The following IGF1R variants were observed in gnomAD, a reference collection of about 807,000 sequenced individuals.
IGF1R encodes the protein insulin like growth factor 1 receptor.
Under a neutral mutation model 144.6 loss-of-function variants are expected in IGF1R, and 44 were observed. The observed-to-expected ratio is 0.30, with a 90% CI of 0.24 to 0.39. IGF1R has a LOEUF of 0.39. IGF1R is among the 10% of genes least tolerant of loss of function. The pLI is 1.00. For synonymous variants in IGF1R, 795 were observed against 722.8 expected (o/e 1.10, Z -1.60); for missense variants, 1,355 against 1,833.7 (o/e 0.74, Z 4.77).
intron 18 of IGF1R, among the ~76,000 whole-genome samples, chr15:98,940,093 C>G (rs1395574614): frequency 2.0e-5 from 3 of 152,230 alleles, no homozygotes; most frequent in Non-Finnish European, 4.4e-5. Flanking sequence ...TTACTTCGGT[C>G]TTTTAATCTG....
intron 3 of IGF1R, among the ~76,000 whole-genome samples, chr15:98,893,012 CA>C (rs979449704): frequency 6.6e-6 from 1 of 151,894 alleles, no homozygotes; most frequent in East Asian, 1.9e-4. Flanking sequence ...GACCCTGTCT[CA>C]AAAAAAAGAA....
At chr15:98,956,716 A>T (rs1261581175) in intron 20 of IGF1R, among the ~76,000 whole-genome samples, 1 of 152,168 alleles carries the variant, frequency 6.6e-6, no homozygotes, top group Admixed American at 6.5e-5. Context: ...CAGATAGAAA[A>T]CTGGTTATTT....
intron 2 of IGF1R, among the ~76,000 whole-genome samples, chr15:98,845,149 A>G (rs958763499): frequency 3.3e-5 from 5 of 152,138 alleles, no homozygotes; most frequent in Non-Finnish European, 5.9e-5. Context: ...TAGCACCGAG[A>G]GTAGGGAGAA....
chr15:98,914,595 G>A (rs2015161460), intron 8 of IGF1R, among the ~76,000 whole-genome samples: 1 of 152,206 alleles, frequency 6.6e-6, no homozygotes, highest in African/African-American at 2.4e-5. Context: ...AACAGAAGAA[G>A]TTTTTCATCT....
At chr15:98,744,565 G>A (rs1372454237) in intron 2 of IGF1R, among the ~76,000 whole-genome samples, 1 of 152,084 alleles carries the variant, frequency 6.6e-6, no homozygotes, top group African/African-American at 2.4e-5. Flanking sequence ...TTCCCCAACA[G>A]AGATAGAGGG....
In IGF1R at chr15:98,957,083, TGG is replaced by T; in HGVS notation, c.3746_3747del (p.Trp1249SerfsTer3). ...CAGGTTTGAACTGATGCGCATGTGC[TGG>T]CAGTATAACCCCAAGATGAGGCCTT... ...DMLFELMRMC[W>X]QYNPKMRPSF... On this transcript the variant is annotated frameshift_variant, in exon 21 of 21. Coordinates refer to ENST00000650285, the MANE Select transcript of IGF1R (RefSeq NM_000875.5). LOFTEE classifies it high-confidence loss of function. 6.2e-7 allele frequency: 1 copy of T among 1,614,222 alleles called. No individual in the cohort carries two copies. The highest frequency in any genetic ancestry group is 2.2e-5 in the East Asian group (1 of 44,876).
intron 13 of IGF1R, among the ~76,000 whole-genome samples, chr15:98,925,297 T>C (rs942827701): frequency 1.3e-5 from 2 of 152,250 alleles, no homozygotes; most frequent in African/African-American, 4.8e-5. Context: ...GACAGAATTC[T>C]TAGGCTGTTC....
chr15:98,655,831 A>T (rs1195323220), intron 1 of IGF1R, among the ~76,000 whole-genome samples: 1 of 151,644 alleles, frequency 6.6e-6, no homozygotes. Context: ...TGATCCTCCC[A>T]AGTAGGTGGG....
intron 2 of IGF1R, among the ~76,000 whole-genome samples, chr15:98,738,645 A>G (rs1190924920): frequency 6.6e-6 from 1 of 152,188 alleles, no homozygotes; most frequent in African/African-American, 2.4e-5. Flanking sequence ...TGTGTGGCTA[A>G]ATCTCAGATC....
intron 2 of IGF1R, among the ~76,000 whole-genome samples, chr15:98,788,826 T>C (rs1290912321): frequency 2.6e-5 from 4 of 152,232 alleles, no homozygotes; most frequent in Admixed American, 2.0e-4. Flanking sequence ...TTTTTTCTTC[T>C]GCTGGTATCT....
At chr15:98,933,095 C>G (rs1338607315) in intron 15 of IGF1R, among the ~76,000 whole-genome samples, 1 of 152,210 alleles carries the variant, frequency 6.6e-6, no homozygotes, top group African/African-American at 2.4e-5. Flanking sequence ...CACCTCCTTC[C>G]CACAGTCAGT....
At chr15:98,715,001 G>T (rs1049644957) in intron 2 of IGF1R, among the ~76,000 whole-genome samples, 2 of 152,198 alleles carry the variant, frequency 1.3e-5, no homozygotes, top group Non-Finnish European at 2.9e-5. Flanking sequence ...GCAGCCAGGA[G>T]AGGGGCATCT....
intron 2 of IGF1R, among the ~76,000 whole-genome samples, chr15:98,877,298 A>G (rs2013106349): frequency 6.6e-6 from 1 of 152,158 alleles, no homozygotes; most frequent in African/African-American, 2.4e-5. Flanking sequence ...ATTTAAATAT[A>G]TAATACAAAC....
chr15:98,652,433 C>T (rs947555493), intron 1 of IGF1R, among the ~76,000 whole-genome samples: 1 of 152,172 alleles, frequency 6.6e-6, no homozygotes, highest in South Asian at 2.1e-4. Flanking sequence ...AGAAAAAGAA[C>T]TTCTGAAAGA....
Position 98,765,349 on chromosome 15 carries a change from C to T in IGF1R, c.640+57242C>T, listed in dbSNP as rs555880486. Among the ~76,000 whole-genome samples the T allele has an allele frequency of 1.1e-4, 13 of 119,468 alleles. No homozygotes were observed. The South Asian group carries it at 3.6e-3, about 33-fold the overall frequency. 78.4% of individuals were successfully genotyped at this position (119,468 alleles called of 152,430 possible). ...TTTTTTTTTTTTTGAGACAGTCTCG[C>T]TGTGTTGCCCAGGCTGGGGTGCAGT... On this transcript the variant is annotated intron_variant, in intron 2 of 20. Coordinates refer to ENST00000650285, the MANE Select transcript of IGF1R (RefSeq NM_000875.5).
At chr15:98,718,001 A>G (rs1033850223) in intron 2 of IGF1R, among the ~76,000 whole-genome samples, 2 of 152,052 alleles carry the variant, frequency 1.3e-5, no homozygotes, top group Non-Finnish European at 2.9e-5. Context: ...GTACCACTTT[A>G]TTCTCCCACC....
chr15:98,906,435 C>A (rs781404330), intron 5 of IGF1R, among the ~76,000 whole-genome samples: 2 of 152,210 alleles, frequency 1.3e-5, no homozygotes, highest in Non-Finnish European at 2.9e-5. Flanking sequence ...CTGCAGTCTC[C>A]TTTGGAGCTG....
chr15:98,771,230 C>T (rs779872190), intron 2 of IGF1R, among the ~76,000 whole-genome samples: 2 of 152,172 alleles, frequency 1.3e-5, no homozygotes, highest in Non-Finnish European at 2.9e-5. Flanking sequence ...ACACATACCC[C>T]CTGCTGCTCC....
Position 98,957,178 on chromosome 15 carries a change from C to T in IGF1R, c.3840C>T (p.Tyr1280=), listed in dbSNP as rs1419272730. The change falls in exon 21 of 21, where the codon TAC becomes TAT. Residue 1280 remains tyrosine (Y), a synonymous_variant. Coordinates refer to ENST00000650285, the MANE Select transcript of IGF1R (RefSeq NM_000875.5). ...CTGGCTTCCGGGAGGTCTCCTTCTACTACAGCGAGGAGAACAAGCTGCCCG... is the reference window on the plus strand; with the variant it reads ...CTGGCTTCCGGGAGGTCTCCTTCTATTACAGCGAGGAGAACAAGCTGCCCG... ...MEPGFREVSF[Y]YSEENKLPEP... is the part of the protein sequence containing the mutation. The T allele has an allele frequency of 9.3e-6, 15 of 1,614,254 alleles. No individual in the cohort carries two copies. Among genetic ancestry groups the T allele is most frequent in the Non-Finnish European group, 1.3e-5 (15 of 1,180,050 alleles).
Sources: allele counts gnomAD v4.1 joint callset (sites outside exome capture counted in the v4.1 genomes callset), GRCh38; gene constraint gnomAD v4.1.1; transcripts MANE v1.5; gene names NCBI Gene and HGNC (gene_info 2026-07-23, HGNC 2026-07-21).